Variants in CES5A observed in about 807,000 individuals in gnomAD.
The protein encoded by CES5A is carboxylesterase 5A.
CES5A carries 67 observed loss-of-function variants against 62.9 expected under a neutral mutation model. The ratio of observed to expected loss-of-function variants is 1.07; its 90% CI spans 0.88 to 1.31. The LOEUF (loss-of-function observed/expected upper bound fraction) is 1.31. CES5A is among the 50% of genes most tolerant of loss of function. CES5A has a pLI of 0.00. For missense variants in CES5A, 748 were observed against 708.5 expected, an observed-to-expected ratio of 1.06 and a Z score of -0.63; for synonymous variants, 296 against 280.8, an observed-to-expected ratio of 1.05 and a Z score of -0.54.
chr16:55,947,469 T>C (rs1198158452), intron 2 of CES5A, among the ~76,000 whole-genome samples: 4 of 152,142 alleles, frequency 2.6e-5, no homozygotes, highest in Admixed American at 2.0e-4. Flanking sequence ...CTAAGTACTG[T>C]TCTGGATGTT....
intron 2 of CES5A, among the ~76,000 whole-genome samples, chr16:55,948,855 G>T (rs1322166400): frequency 6.6e-6 from 1 of 152,156 alleles, no homozygotes; most frequent in Non-Finnish European, 1.5e-5. Flanking sequence ...GTTAGAGTTT[G>T]AGGTCAGAAA....
At chr16:55,883,219 G>T (rs559134049) in intron 1 of CES5A, among the ~76,000 whole-genome samples, 1 of 152,092 alleles carries the variant, frequency 6.6e-6, no homozygotes. Flanking sequence ...CTGATGAATC[G>T]AATGGAATTG....
At chr16:55,854,544 C>CTTTTTTTTCTTTTTTTTTTTTTTT (rs2033200676) in intron 9 of CES5A, among the ~76,000 whole-genome samples, 2 of 64,416 alleles carry the variant, frequency 3.1e-5, no homozygotes, top group African/African-American at 1.4e-4. Flanking sequence ...TTTTTTTTTT[C>CTTTTTTTTCTTTTTTTTTTTTTTT]TTTTTTTTTT....
intron 4 of CES5A, 45 bp downstream of exon 4, chr16:55,869,566 C>A: frequency 6.2e-7 from 1 of 1,602,700 alleles, no homozygotes; most frequent in Non-Finnish European, 8.5e-7. Context: ...TACTGCACTG[C>A]TGCCCTTTGG....
At position 55,932,492 on chromosome 16, in the gene CES5A, G is replaced by T. The variant is rs146164977; in HGVS notation, c.160+17293C>A. On this transcript the variant is annotated intron_variant, in intron 2 of 13. Transcript: ENST00000521992. ...AGTTAGTTAGTTGCTTACTTCATTTGTTCATTCATTAAATGATAGATTGTT... is the reference window on the plus strand; with the variant it reads ...AGTTAGTTAGTTGCTTACTTCATTTTTTCATTCATTAAATGATAGATTGTT... Among the ~76,000 whole-genome samples, 3 of 133,098 alleles carry T rather than the reference G, an allele frequency of 2.3e-5. No individual in the cohort carries two copies. In the East Asian group the frequency reaches 6.8e-4, roughly 30 times the overall value. 87.3% of individuals were successfully genotyped at this position (133,098 alleles called of 152,430 possible). A position where few individuals can be genotyped will look rare whatever the true frequency, so the allele number is the denominator to read the frequency against.
chr16:55,927,971 C>T (rs935379415), upstream of CES5A, among the ~76,000 whole-genome samples: 13 of 152,078 alleles, frequency 8.5e-5, no homozygotes, highest in African/African-American at 2.9e-4. Context: ...AGGCTGGGCG[C>T]GGTGGCTCAC....
chr16:55,854,531 C>CTTTCTGTTTTCTTTCTTTTTTTT (rs1555479325), intron 9 of CES5A, among the ~76,000 whole-genome samples: 3 of 52,164 alleles, frequency 5.8e-5, no homozygotes, highest in South Asian at 8.9e-4. Context: ...TGTAGTGTTT[C>CTTTCTGTTTTCTTTCTTTTTTTT]TTTTTTTTTT....
At chr16:55,908,688 C>A (rs1030678418) in intron 1 of CES5A, among the ~76,000 whole-genome samples, 1 of 152,198 alleles carries the variant, frequency 6.6e-6, no homozygotes, top group African/African-American at 2.4e-5. Context: ...CTGTGATAGT[C>A]CACACTAATC....
chr16:55,850,787 T>A (rs149892538), intron 10 of CES5A, among the ~76,000 whole-genome samples: 384 of 152,324 alleles, frequency 2.5e-3, no homozygotes, highest in South Asian at 0.023. Context: ...GTTTACCTTT[T>A]TGAGGAACGG....
intron 1 of CES5A, among the ~76,000 whole-genome samples, chr16:55,893,272 T>C (rs957520209): frequency 1.3e-5 from 2 of 152,072 alleles, no homozygotes; most frequent in African/African-American, 4.8e-5. Flanking sequence ...AATTTCTGCT[T>C]AAATTGATCA....
chr16:55,936,084 G>A (rs549671136), intron 2 of CES5A, among the ~76,000 whole-genome samples: 45 of 152,112 alleles, frequency 3.0e-4, no homozygotes, highest in Middle Eastern at 3.4e-3. Flanking sequence ...ACTTCAGTTC[G>A]GCATTCTCTG....
At chr16:55,907,580 GCAAT>G (rs1403217938) in intron 1 of CES5A, among the ~76,000 whole-genome samples, 1 of 152,220 alleles carries the variant, frequency 6.6e-6, no homozygotes, top group Non-Finnish European at 1.5e-5. Context: ...AAAAAAGCAT[GCAAT>G]CAAATGGTTC....
At chr16:55,868,032 C>T (rs1247277986) in intron 4 of CES5A, among the ~76,000 whole-genome samples, 9 of 152,152 alleles carry the variant, frequency 5.9e-5, no homozygotes, top group African/African-American at 2.2e-4. Context: ...GTGAAAGGTA[C>T]TCCTGGTCCT....
At chr16:55,894,498 C>CAAAAAAAA (rs370359945) in intron 1 of CES5A, among the ~76,000 whole-genome samples, 32 of 102,634 alleles carry the variant, frequency 3.1e-4, no homozygotes, top group East Asian at 8.3e-4. Flanking sequence ...AACTCTGTCT[C>CAAAAAAAA]AAAAAAAAAA....
intron 2 of CES5A, among the ~76,000 whole-genome samples, chr16:55,934,673 TGTGTGC>T (rs1353347908): frequency 2.2e-5 from 3 of 138,546 alleles, no homozygotes; most frequent in African/African-American, 7.8e-5. Flanking sequence ...TGTGTGTGTG[TGTGTGC>T]GCGTGTGCAT....
In CES5A at chr16:55,871,680, C is replaced by G. The variant is rs1237690084; in HGVS notation, c.362G>C (p.Cys121Ser). Residue 121 changes from cysteine (C) to serine (S), a missense_variant, in exon 3 of 13, where the codon TGC becomes TCC. Transcript: ENST00000290567. ...HYPKFGVSED[C>S]LYLNIYAPAH... ...AGGCGCATAGATGTTCAGGTAGAGG[C>G]AGTCTTCTGACACTCCGAATTTCGG... 44 of 1,614,052 alleles carry G rather than the reference C, an allele frequency of 2.7e-5. No homozygotes were observed. The highest frequency in any genetic ancestry group is 3.6e-5 in the Non-Finnish European group (43 of 1,180,026).
At chr16:55,879,482 C>T (rs186146834), upstream of CES5A, among the ~76,000 whole-genome samples, 28 of 151,816 alleles carry the variant, frequency 1.8e-4, no homozygotes, top group East Asian at 5.3e-3. Flanking sequence ...CACTGCATCC[C>T]ATCTCTGTAT....
In CES5A at chr16:55,938,398, G is replaced by A. The variant is rs549237866; in HGVS notation, c.160+11387C>T. Among the ~76,000 whole-genome samples, 3 of 152,098 alleles carry A rather than the reference G, an allele frequency of 2.0e-5. No homozygotes were observed. The East Asian group carries it at 5.8e-4, about 29-fold the overall frequency. On this transcript the variant is annotated intron_variant, in intron 2 of 13. Transcript: ENST00000521992. Reference sequence around the variant, plus strand: ...TCAGCTAATTGCTCTCTCAAGGAAGGGGATGCTGCCCTAGGGCTTAAGGGG... The same window carrying A: ...TCAGCTAATTGCTCTCTCAAGGAAGAGGATGCTGCCCTAGGGCTTAAGGGG...
At chr16:55,887,439 C>G (rs1055516699) in intron 1 of CES5A, among the ~76,000 whole-genome samples, 2 of 151,494 alleles carry the variant, frequency 1.3e-5, no homozygotes, top group Non-Finnish European at 2.9e-5. Context: ...AGGGCTGCTG[C>G]TATATATAAG....
Sources: gnomAD v4.1 joint callset for allele counts (sites outside exome capture counted in the v4.1 genomes callset) on GRCh38, gnomAD v4.1.1 for gene constraint, MANE v1.5 for transcripts, NCBI Gene and HGNC (gene_info 2026-07-23, HGNC 2026-07-21) for gene names.